The following ENTPD3 variants were observed in gnomAD, a reference collection of about 807,000 sequenced individuals.
ENTPD3 encodes ectonucleoside triphosphate diphosphohydrolase 3.
Under a neutral mutation model 51.2 loss-of-function variants are expected in ENTPD3, and 60 were observed. That is an observed-to-expected ratio of 1.17 (90% confidence interval 0.95 to 1.45). The LOEUF is 1.45. Ranked by LOEUF, ENTPD3 falls within the 40% of genes most tolerant of loss-of-function variation. The probability of loss-of-function intolerance (pLI) is 0.00; values close to 1 mark genes in which losing one functional copy is unlikely to be tolerated. For synonymous variants in ENTPD3, 221 were observed against 238.4 expected, an observed-to-expected ratio of 0.93 and a Z score of 0.67; for missense variants, 593 against 641.1, an observed-to-expected ratio of 0.93 and a Z score of 0.81.
intron 4 of ENTPD3, among the ~76,000 whole-genome samples, chr3:40,401,855 A>G (rs1225513351): frequency 1.3e-5 from 2 of 152,228 alleles, no homozygotes; most frequent in Non-Finnish European, 2.9e-5. Context: ...ATTATCAGCA[A>G]TGATAATTAA....
chr3:40,400,002 C>T (rs535746882), intron 3 of ENTPD3, among the ~76,000 whole-genome samples: 2 of 152,254 alleles, frequency 1.3e-5, no homozygotes, highest in South Asian at 4.1e-4. Flanking sequence ...CGGTGGCTCA[C>T]GCCTGTAATC....
At chr3:40,405,789 C>T (rs1955479974) in intron 4 of ENTPD3, among the ~76,000 whole-genome samples, 1 of 152,188 alleles carries the variant, frequency 6.6e-6, no homozygotes, top group Admixed American at 6.5e-5. Context: ...TATCTCGCCT[C>T]TCACCAGCCG....
intron 3 of ENTPD3, among the ~76,000 whole-genome samples, chr3:40,392,777 G>A (rs562475671): frequency 1.3e-5 from 2 of 151,880 alleles, no homozygotes; most frequent in African/African-American, 2.4e-5. Flanking sequence ...GCAATATAGA[G>A]AGACTCCATC....
chr3:40,417,472 G>A (rs73078123), intron 7 of ENTPD3, among the ~76,000 whole-genome samples: 37,988 of 151,850 alleles, frequency 0.25, 5,746 homozygotes, highest in East Asian at 0.48. Flanking sequence ...CAGATCTCCT[G>A]ACAACTCACT....
rs1287937690 is a variant in ENTPD3, at chr3:40,423,419, A to C, written c.1215+18A>C. 6.6e-7 allele frequency: 1 copy of C among 1,521,028 alleles called. No homozygotes were observed. The highest frequency in any genetic ancestry group is 1.4e-5 in the African/African-American group (1 of 73,140). 94.2% of individuals were successfully genotyped at this position (1,521,028 alleles called of 1,614,324 possible). ...GGAGTCAGGTCAGTATTTAAAGAGAAGGGATCAATGTCAGTACAAAAAAAT... is the reference window on the plus strand; with the variant it reads ...GGAGTCAGGTCAGTATTTAAAGAGACGGGATCAATGTCAGTACAAAAAAAT... On this transcript the variant is annotated intron_variant, in intron 9 of 10. Coordinates refer to ENST00000301825, the MANE Select transcript of ENTPD3 (RefSeq NM_001248.4).
At chr3:40,420,077 C>A (rs557785583) in intron 7 of ENTPD3, among the ~76,000 whole-genome samples, 1 of 152,214 alleles carries the variant, frequency 6.6e-6, no homozygotes, top group South Asian at 2.1e-4. Context: ...TATCTTGTTT[C>A]TTCTCTGGGC....
At chr3:40,425,611 A>G (rs541984717) in intron 10 of ENTPD3, among the ~76,000 whole-genome samples, 1 of 151,768 alleles carries the variant, frequency 6.6e-6, no homozygotes, top group Non-Finnish European at 1.5e-5. Flanking sequence ...ATTTACATTA[A>G]AAAAGCCGGG....
chr3:40,427,330 T>G lies in ENTPD3; in HGVS notation c.1412T>G (p.Ile471Ser). Residue 471 changes from isoleucine to serine, a missense_variant, in exon 11 of 11, where the codon ATC (isoleucine) becomes AGC (serine). By Grantham distance (142) the Ile-to-Ser change is moderately radical (BLOSUM62 -2). Coordinates refer to ENST00000301825, the MANE Select transcript of ENTPD3 (RefSeq NM_001248.4). ...TACATGCTCAGCCTGACCAACCAGA[T>G]CCCAGCTGAAAGCCCTCTGATCCGT... ...LGYMLSLTNQ[I>S]PAESPLIRLP... 6.2e-7 allele frequency: 1 copy of G among 1,614,166 alleles called. No homozygotes were observed. The highest frequency in any genetic ancestry group is 8.5e-7 in the Non-Finnish European group (1 of 1,180,020).
intron 1 of ENTPD3, 77 bp from the exon 2 acceptor site, chr3:40,387,969 T>C: frequency 7.9e-7 from 1 of 1,266,568 alleles, no homozygotes; most frequent in Non-Finnish European, 1.2e-6. Context: ...GGGTTTTGTC[T>C]TAACCTGGGC....
At chr3:40,395,803 A>G (rs897117) in intron 3 of ENTPD3, among the ~76,000 whole-genome samples, 66,444 of 152,064 alleles carry the variant, frequency 0.44, 16,197 homozygotes, top group African/African-American at 0.65. Context: ...GAAGATGGAT[A>G]GTTCTACATC....
In ENTPD3 at chr3:40,387,230, C is replaced by G. The variant is rs1414347892; in HGVS notation, c.-44C>G. 6.6e-6 allele frequency: 1 copy of G among 152,320 alleles called. No homozygotes were observed. Among genetic ancestry groups the G allele is most frequent in the Non-Finnish European group, 1.5e-5 (1 of 68,144 alleles). The allele number at this position is 152,320 out of a possible 1,614,324, so 9.4% of individuals were successfully genotyped here. A position where few individuals can be genotyped will look rare whatever the true frequency, so the allele number is the denominator to read the frequency against. On this transcript the variant is annotated 5_prime_UTR_variant, in exon 1 of 11. Transcript: ENST00000301825. The stretch of plus-strand genomic sequence containing the variant: ...GCCGCGGGCCGCCTCTGCGGCAGCG[C>G]TAGTCGCCTTCTCCGAATCGGCTCC...
At chr3:40,396,511 T>A (rs1400426982) in intron 3 of ENTPD3, among the ~76,000 whole-genome samples, 3 of 152,186 alleles carry the variant, frequency 2.0e-5, no homozygotes, top group Non-Finnish European at 2.9e-5. Flanking sequence ...TATCTGGCTA[T>A]TAAATCTAAC....
Position 40,411,731 on chromosome 3 carries a change from C to T in ENTPD3, c.287-81C>T, listed in dbSNP as rs1373756408. On this transcript the variant is annotated intron_variant, in intron 4 of 10. Coordinates refer to ENST00000301825, the MANE Select transcript of ENTPD3 (RefSeq NM_001248.4). ...ACCAAACCCCAATAATTTTCAAAGC[C>T]AATTTGTTTTTTATTTAAAAGTTGT... The T allele has an allele frequency of 4.9e-6, 7 of 1,438,960 alleles. No individual in the cohort carries two copies. In the South Asian group the frequency reaches 7.8e-5, roughly 16 times the overall value. 89.1% of individuals were successfully genotyped at this position (1,438,960 alleles called of 1,614,324 possible).
intron 4 of ENTPD3, among the ~76,000 whole-genome samples, chr3:40,403,363 C>CA (rs1201881876): frequency 2.0e-5 from 3 of 151,988 alleles, no homozygotes; most frequent in Admixed American, 1.3e-4. Flanking sequence ...AAGTACTGGA[C>CA]AAAAAAAGAG....
In ENTPD3 at chr3:40,391,154, T is replaced by C. The variant is rs112619360; in HGVS notation, c.41-869T>C. The C allele has an allele frequency of 1.8e-3, 266 of 151,416 alleles. 2 individuals are homozygous for C. Among genetic ancestry groups the C allele is most frequent in the African/African-American group, 6.2e-3 (256 of 41,262 alleles). 9.4% of individuals were successfully genotyped at this position (151,416 alleles called of 1,614,324 possible). A position where few individuals can be genotyped will look rare whatever the true frequency, so the allele number is the denominator to read the frequency against. On this transcript the variant is annotated intron_variant, in intron 2 of 10. Coordinates refer to ENST00000301825, the MANE Select transcript of ENTPD3 (RefSeq NM_001248.4). ...ATTTTTGTATTTCTTGGTAGAGACATGGTTTCACCATATTGGCCAGGCTGG... is the reference window on the plus strand; with the variant it reads ...ATTTTTGTATTTCTTGGTAGAGACACGGTTTCACCATATTGGCCAGGCTGG...
At chr3:40,407,032 T>C (rs763705210) in intron 4 of ENTPD3, among the ~76,000 whole-genome samples, 3 of 152,176 alleles carry the variant, frequency 2.0e-5, no homozygotes, top group Non-Finnish European at 2.9e-5. Context: ...TCTGAGTTCA[T>C]AATGCATGAG....
In ENTPD3 at chr3:40,428,452, T is replaced by C. The variant is rs553286566; in HGVS notation, c.*944T>C. On this transcript the variant is annotated 3_prime_UTR_variant, in exon 11 of 11. Coordinates refer to ENST00000301825, the MANE Select transcript of ENTPD3 (RefSeq NM_001248.4). The stretch of plus-strand genomic sequence containing the variant: ...CATAGACCTCTCTGCATAGTAGTCA[T>C]AGGTCTTGACTTTGGGGAAAGAAAA... 1.3e-5 allele frequency: 2 copies of C among 152,328 alleles called. No homozygotes were observed. Among genetic ancestry groups the C allele is most frequent in the East Asian group, 1.9e-4 (1 of 5,192 alleles). The allele number at this position is 152,328 out of a possible 1,614,324, so 9.4% of individuals were successfully genotyped here.
Position 40,394,137 on chromosome 3 carries a change from C to T in ENTPD3, c.168+1987C>T, listed in dbSNP as rs534891798. The stretch of plus-strand genomic sequence containing the variant: ...ATTTTATTGTTATTATTTTGTGAGA[C>T]GGAGTCGTGCTCCGTCACCTAGGCT... On this transcript the variant is annotated intron_variant, in intron 3 of 10. Transcript: ENST00000301825. Among the ~76,000 whole-genome samples, 73 of 149,476 alleles carry T rather than the reference C, an allele frequency of 4.9e-4. 2 individuals are homozygous for T. The South Asian group carries it at 9.8e-3, about 20-fold the overall frequency.
chr3:40,416,033 G>A lies in ENTPD3; in HGVS notation c.791G>A (p.Arg264Gln), dbSNP rs34266806. 7,935 of 1,613,954 alleles carry A rather than the reference G, an allele frequency of 4.9e-3. 37 individuals are homozygous for A. Among genetic ancestry groups the A allele is most frequent in the Non-Finnish European group, 6.0e-3 (7,041 of 1,179,934 alleles). The change falls in exon 7 of 11, where the codon CGG becomes CAG. Residue 264 changes from arginine (R) to glutamine (Q), a missense_variant. Arg to Gln is a conservative substitution (Grantham distance 43, BLOSUM62 1). Transcript: ENST00000301825. ...LYTHSFQCYGRNEAEKKFLAM... is the reference protein window; with the variant it reads ...LYTHSFQCYGQNEAEKKFLAM... ...ACACACAGCTTCCAGTGCTATGGCCGGAATGAGGCTGAGAAGAAGTTTCTG... is the reference window on the plus strand; with the variant it reads ...ACACACAGCTTCCAGTGCTATGGCCAGAATGAGGCTGAGAAGAAGTTTCTG...
Sources: gnomAD v4.1 joint callset for allele counts (sites outside exome capture counted in the v4.1 genomes callset) on GRCh38, gnomAD v4.1.1 for gene constraint, MANE v1.5 for transcripts, NCBI Gene and HGNC (gene_info 2026-07-23, HGNC 2026-07-21) for gene names.